The following ADAMTS2 variants were observed in gnomAD, a reference collection of about 807,000 sequenced individuals.
ADAMTS2 encodes A disintegrin and metalloproteinase with thrombospondin motifs 2.
ADAMTS2 carries 50 observed loss-of-function variants against 123.0 expected under a neutral mutation model. That is an observed-to-expected ratio of 0.41 (90% CI 0.32 to 0.51). ADAMTS2 has a LOEUF of 0.51. Ranked by LOEUF, ADAMTS2 falls within the 20% of genes least tolerant of loss-of-function variation. The pLI is 0.35. For missense variants in ADAMTS2, 1,494 were observed against 1,705.2 expected, an observed-to-expected ratio of 0.88 and a Z score of 2.18; for synonymous variants, 678 against 695.4, an observed-to-expected ratio of 0.98 and a Z score of 0.39.
At position 179,125,031 on chromosome 5, in the gene ADAMTS2, C is replaced by T. The variant is rs775213299; in HGVS notation, c.2900G>A (p.Arg967His). ...KHCNDARPES[R>H]RACSRELCPG... ...GCAGAGCTCGCGGCTGCAGGCCCGG[C>T]GGCTCTCGGGCCGGGCGTCATTGCA... Residue 967 changes from arginine to histidine, a missense_variant, in exon 19 of 22, where the codon CGC becomes CAC. Physicochemically the swap from Arg to His is conservative, Grantham distance 29. Transcript: ENST00000251582. The T allele has an allele frequency of 2.9e-5, 46 of 1,607,722 alleles. No individual in the cohort carries two copies. Among genetic ancestry groups the T allele is most frequent in the Non-Finnish European group, 3.6e-5 (43 of 1,178,700 alleles).
chr5:179,259,445 T>C (rs35996372), intron 3 of ADAMTS2, among the ~76,000 whole-genome samples: 47,327 of 152,056 alleles, frequency 0.31, 8,107 homozygotes, highest in Non-Finnish European at 0.36. Flanking sequence ...TAAAGATCTG[T>C]TGGATGAATC....
In ADAMTS2 at chr5:179,285,517, G is replaced by A. The variant is rs1271745280; in HGVS notation, c.535-12453C>T. Among the ~76,000 whole-genome samples, 1 of 152,284 alleles carries A rather than the reference G, an allele frequency of 6.6e-6. No individual in the cohort carries two copies. The highest frequency in any genetic ancestry group is 2.4e-5 in the African/African-American group (1 of 41,558). ...GGCTCCTGCACACACCAATGCCGGG[G>A]TAGCCTCCAGGAAACAGAGCTGGCC... is the stretch of plus-strand genomic sequence containing the variant. On this transcript the variant is annotated intron_variant, in intron 2 of 21. Coordinates refer to ENST00000251582, the MANE Select transcript of ADAMTS2 (RefSeq NM_014244.5). This position sits in a 1 kb window ranked among gnomAD's most constrained non-coding sequence, Gnocchi z 4.9.
chr5:179,140,799 CTTTTTTTTTT>C (rs770094463), intron 10 of ADAMTS2, among the ~76,000 whole-genome samples: 1 of 90,464 alleles, frequency 1.1e-5, no homozygotes, highest in Non-Finnish European at 2.1e-5. Context: ...ACTGCATGCT[CTTTTTTTTTT>C]TTTTTTTTTG....
At chr5:179,184,865 C>T (rs1317962005) in intron 4 of ADAMTS2, among the ~76,000 whole-genome samples, 4 of 152,150 alleles carry the variant, frequency 2.6e-5, no homozygotes, top group Admixed American at 1.3e-4. Context: ...TCAGATGCTA[C>T]GAGACCAGCT....
chr5:179,159,642 G>A (rs906900681), intron 5 of ADAMTS2, among the ~76,000 whole-genome samples: 2 of 152,108 alleles, frequency 1.3e-5, no homozygotes, highest in African/African-American at 2.4e-5. Context: ...GGGACCGCTC[G>A]TCTTGCACAC....
chr5:179,194,928 G>A (rs6875810), intron 4 of ADAMTS2, among the ~76,000 whole-genome samples: 2,457 of 152,210 alleles, frequency 0.016, 82 homozygotes, highest in African/African-American at 0.055. Flanking sequence ...CCTCGCTCCC[G>A]CTCTCCAAGC....
chr5:179,250,328 T>A (rs1362809931), intron 3 of ADAMTS2, among the ~76,000 whole-genome samples: 2 of 151,912 alleles, frequency 1.3e-5, no homozygotes, highest in Middle Eastern at 3.4e-3. Context: ...AAGAAAAAAA[T>A]AAATAAATAA....
rs542998749 is a variant in ADAMTS2, at chr5:179,337,176, G to A, written c.534+6591C>T. On this transcript the variant is annotated intron_variant, in intron 2 of 21. Transcript: ENST00000251582. ...GCTCCTACCTGGATCCTCCCATTCC[G>A]GGGTAACCACCAGTAGGGGATGGGG... 4.6e-5 allele frequency among the ~76,000 whole-genome samples: 7 copies of A among 152,142 alleles called. No homozygotes were observed. In the East Asian group the frequency reaches 5.8e-4, roughly 13 times the overall value.
In ADAMTS2 at chr5:179,245,811, T is replaced by TG. The variant is rs1369184498; in HGVS notation, c.688+27099dup. On this transcript the variant is annotated intron_variant, in intron 3 of 21. Coordinates refer to ENST00000251582, the MANE Select transcript of ADAMTS2 (RefSeq NM_014244.5). ...AAAAAAAAAACAAAAAAAACAAAGATGGGGGTGGAAGAATAGAGCTATATA... is the reference window on the plus strand; with the variant it reads ...AAAAAAAAAACAAAAAAAACAAAGATGGGGGGTGGAAGAATAGAGCTATATA... 2.7e-3 allele frequency among the ~76,000 whole-genome samples: 171 copies of TG among 63,124 alleles called. 1 individual carries two copies. The highest frequency in any genetic ancestry group is 4.6e-3 in the Non-Finnish European group (122 of 26,726). The allele number at this position is 63,124 out of a possible 152,430, so 41.4% of individuals were successfully genotyped here.
intron 3 of ADAMTS2, among the ~76,000 whole-genome samples, chr5:179,231,433 A>G (rs1765410105): frequency 6.6e-6 from 1 of 152,186 alleles, no homozygotes; most frequent in Non-Finnish European, 1.5e-5. Flanking sequence ...AGCAACAGAA[A>G]TGAAGGGACA....
chr5:179,163,290 T>C (rs1269589411), intron 5 of ADAMTS2, among the ~76,000 whole-genome samples: 2 of 152,018 alleles, frequency 1.3e-5, no homozygotes, highest in African/African-American at 4.8e-5. Flanking sequence ...GGAGAAAGGG[T>C]ACAGAGGAAT....
intron 21 of ADAMTS2, chr5:179,120,636 C>A (rs1309521528): frequency 6.6e-6 from 1 of 151,986 alleles, no homozygotes; most frequent in Non-Finnish European, 1.5e-5. Flanking sequence ...CAGGGGGTCG[C>A]CCCCTGGGTG....
At position 179,143,295 on chromosome 5, in the gene ADAMTS2, A is replaced by G. The variant is rs140886752; in HGVS notation, c.1630-3260T>C. Among the ~76,000 whole-genome samples, 1,087 of 152,260 alleles carry G rather than the reference A, an allele frequency of 7.1e-3. 4 individuals carry two copies. Among genetic ancestry groups the G allele is most frequent in the Middle Eastern group, 0.02 (6 of 294 alleles). Reference sequence around the variant, plus strand: ...TTAAAAATACAAAAATTAGCCAGGCATGGTGGTACAACCTGTGATTCCCAG... The same window carrying G: ...TTAAAAATACAAAAATTAGCCAGGCGTGGTGGTACAACCTGTGATTCCCAG... On this transcript the variant is annotated intron_variant, in intron 10 of 21. Transcript: ENST00000251582.
chr5:179,316,669 C>T (rs539663370), intron 2 of ADAMTS2, among the ~76,000 whole-genome samples: 54 of 152,316 alleles, frequency 3.5e-4, no homozygotes, highest in African/African-American at 1.1e-3. Context: ...GGGGACGGGA[C>T]GCAGTGGTGT....
At chr5:179,192,706 G>T (rs1263202263) in intron 4 of ADAMTS2, among the ~76,000 whole-genome samples, 2 of 152,214 alleles carry the variant, frequency 1.3e-5, no homozygotes, top group African/African-American at 2.4e-5. Context: ...CTGTCTGGCT[G>T]CAGGGAAGTT....
At chr5:179,223,464 GAATGCACTCACACACAAATGGACTCACAC>G (rs1765184216) in intron 3 of ADAMTS2, among the ~76,000 whole-genome samples, 3 of 142,802 alleles carry the variant, frequency 2.1e-5, no homozygotes, top group Non-Finnish European at 3.0e-5. Flanking sequence ...ACTCACACAC[GAATGCACTCACACACAAATGGACTCACAC>G]TCACATGCAC....
intron 3 of ADAMTS2, among the ~76,000 whole-genome samples, chr5:179,231,299 A>G (rs1765407755): frequency 6.6e-6 from 1 of 152,196 alleles, no homozygotes; most frequent in South Asian, 2.1e-4. Context: ...CTGGACGAGT[A>G]AGTACTAGAG....
At chr5:179,216,427 C>A (rs941281671) in intron 3 of ADAMTS2, among the ~76,000 whole-genome samples, 2 of 152,202 alleles carry the variant, frequency 1.3e-5, no homozygotes, top group Non-Finnish European at 2.9e-5. Flanking sequence ...GCTTTCCCCC[C>A]ACCGAGAGCT....
At chr5:179,237,582 T>G (rs922972031) in intron 3 of ADAMTS2, among the ~76,000 whole-genome samples, 56 of 152,286 alleles carry the variant, frequency 3.7e-4, no homozygotes, top group African/African-American at 1.2e-3. Flanking sequence ...TCGCGTCAGT[T>G]AAGCGGTGCT....
Sources: allele counts gnomAD v4.1 joint callset (sites outside exome capture counted in the v4.1 genomes callset), GRCh38; gene constraint gnomAD v4.1.1; non-coding constraint Gnocchi (gnomAD v3.1); transcripts MANE v1.5; gene names NCBI Gene and HGNC (gene_info 2026-07-23, HGNC 2026-07-21).